FAM110B: variants seen among roughly 807,000 people sequenced by gnomAD.
FAM110B encodes the protein family with sequence similarity 110 member B, also known as protein FAM110B.
Under a neutral mutation model 20.4 loss-of-function variants are expected in FAM110B, and 6 were observed. The ratio of observed to expected loss-of-function variants is 0.29; its 90% CI spans 0.16 to 0.58. FAM110B has a LOEUF of 0.58. Among genes scored for constraint, FAM110B ranks in the 20% least tolerant of loss-of-function variants. The probability of loss-of-function intolerance (pLI) is 0.90; values close to 1 mark genes in which losing one functional copy is unlikely to be tolerated. For missense variants in FAM110B, 434 were observed against 498.2 expected (o/e 0.87, Z 1.23); for synonymous variants, 226 against 214.1 (o/e 1.06, Z -0.49).
chr8:58,058,571 T>C (rs1585849888), intron 2 of FAM110B, among the ~76,000 whole-genome samples: 1 of 152,168 alleles, frequency 6.6e-6, no homozygotes, highest in African/African-American at 2.4e-5. Context: ...CTCAGGTCCT[T>C]ATAAAATAAT....
intron 1 of FAM110B, among the ~76,000 whole-genome samples, chr8:58,007,376 G>A (rs867586944): frequency 1.3e-5 from 2 of 152,112 alleles, no homozygotes; most frequent in African/African-American, 2.4e-5. Flanking sequence ...TACCAGACGC[G>A]GGTGATGCAG....
At chr8:58,052,634 G>A (rs879302562) in intron 2 of FAM110B, among the ~76,000 whole-genome samples, 36 of 152,024 alleles carry the variant, frequency 2.4e-4, no homozygotes, top group Non-Finnish European at 4.7e-4. Context: ...CACAAAGCAG[G>A]GATGGAGATA....
At chr8:58,123,244 T>C (rs540770384) in intron 3 of FAM110B, among the ~76,000 whole-genome samples, 5 of 152,200 alleles carry the variant, frequency 3.3e-5, no homozygotes, top group African/African-American at 9.6e-5. Context: ...ACTGCTCTAT[T>C]TGGTGCTTCA....
intron 2 of FAM110B, chr8:58,070,092 C>T (rs546368361): frequency 2.0e-5 from 3 of 152,334 alleles, no homozygotes; most frequent in East Asian, 1.9e-4. Context: ...TGCTAAACGC[C>T]GGTGACAGCC....
intron 1 of FAM110B, among the ~76,000 whole-genome samples, chr8:58,014,193 T>C (rs1476409981): frequency 6.6e-6 from 1 of 152,140 alleles, no homozygotes; most frequent in Non-Finnish European, 1.5e-5. Flanking sequence ...CTTAGGATCA[T>C]AGAGCTTCCT....
intron 3 of FAM110B, among the ~76,000 whole-genome samples, chr8:58,107,009 A>G (rs2150615922): frequency 6.6e-6 from 1 of 152,230 alleles, no homozygotes; most frequent in Admixed American, 6.5e-5. Flanking sequence ...TTAAGTACTC[A>G]TTGCATGGTT....
At chr8:58,046,175 T>G (rs1805316293) in intron 2 of FAM110B, among the ~76,000 whole-genome samples, 1 of 152,230 alleles carries the variant, frequency 6.6e-6, no homozygotes, top group Non-Finnish European at 1.5e-5. Context: ...AATATGATAT[T>G]CATTAAGCAT....
At position 58,005,592 on chromosome 8, in the gene FAM110B, T is replaced by C. The variant is rs1804387521; in HGVS notation, c.-512+10786T>C. On this transcript the variant is annotated intron_variant, in intron 1 of 3. Coordinates refer to ENST00000519262, the MANE Select transcript of FAM110B (RefSeq NM_001377989.1). ...CAAGGTATGCCTGTGTATTTTTCCA[T>C]GGTGAACATTGTCTATGAAACAAAA... 2.0e-5 allele frequency among the ~76,000 whole-genome samples: 3 copies of C among 152,336 alleles called. No individual in the cohort carries two copies. The South Asian group carries it at 6.2e-4, about 32-fold the overall frequency.
intron 2 of FAM110B, chr8:58,043,247 T>C (rs930469053): frequency 1.3e-5 from 2 of 152,210 alleles, no homozygotes; most frequent in Non-Finnish European, 2.9e-5. Flanking sequence ...AAGGCTGCGA[T>C]GCACCAGCCC....
chr8:58,086,863 T>A (rs1806351138), intron 3 of FAM110B, among the ~76,000 whole-genome samples: 1 of 152,248 alleles, frequency 6.6e-6, no homozygotes, highest in African/African-American at 2.4e-5. Context: ...TATGTGATAT[T>A]GCACAAGGTG....
chr8:58,074,303 G>C (rs1034764290), intron 2 of FAM110B, among the ~76,000 whole-genome samples: 15 of 151,956 alleles, frequency 9.9e-5, no homozygotes, highest in African/African-American at 3.6e-4. Flanking sequence ...GCCTGTCCAT[G>C]CCACCTGCTT....
chr8:58,100,156 T>C (rs776469158), intron 3 of FAM110B, among the ~76,000 whole-genome samples: 1 of 152,172 alleles, frequency 6.6e-6, no homozygotes, highest in Non-Finnish European at 1.5e-5. Flanking sequence ...CTCCTGGTTC[T>C]GTGTAATATA....
chr8:58,013,838 G>A (rs1416602966), intron 1 of FAM110B, among the ~76,000 whole-genome samples: 2 of 152,122 alleles, frequency 1.3e-5, no homozygotes, highest in African/African-American at 4.8e-5. Context: ...ACAAAGTGTT[G>A]GAAAATAAGG....
intron 1 of FAM110B, among the ~76,000 whole-genome samples, chr8:57,999,419 T>G (rs1218697475): frequency 3.3e-5 from 5 of 152,214 alleles, no homozygotes; most frequent in Non-Finnish European, 7.3e-5. Context: ...GCAAAACATT[T>G]TTTTCCTCAC....
intron 1 of FAM110B, among the ~76,000 whole-genome samples, chr8:58,005,826 C>G (rs1804391443): frequency 6.6e-6 from 1 of 152,178 alleles, no homozygotes; most frequent in Non-Finnish European, 1.5e-5. Context: ...GGTTTCATTC[C>G]TATTTACTCT....
intron 1 of FAM110B, among the ~76,000 whole-genome samples, chr8:58,000,680 TC>T (rs1232478868): frequency 6.6e-5 from 10 of 152,214 alleles, no homozygotes; most frequent in Non-Finnish European, 8.8e-5. Flanking sequence ...CTACTCTTGG[TC>T]AAAAAGAGAC....
At chr8:58,060,635 C>T (rs536368397) in intron 2 of FAM110B, among the ~76,000 whole-genome samples, 10 of 151,986 alleles carry the variant, frequency 6.6e-5, no homozygotes, top group Non-Finnish European at 1.0e-4. Flanking sequence ...TTTTGGGAAA[C>T]GGGAAATTAT....
chr8:58,123,400 T>C (rs1263915869), intron 3 of FAM110B, among the ~76,000 whole-genome samples: 24 of 152,208 alleles, frequency 1.6e-4, no homozygotes, highest in Admixed American at 1.6e-3. Context: ...GTGAGATTAG[T>C]TCCAATTCAT....
intron 1 of FAM110B, among the ~76,000 whole-genome samples, chr8:58,000,069 G>A (rs1291479691): frequency 1.3e-5 from 2 of 152,136 alleles, no homozygotes; most frequent in Non-Finnish European, 2.9e-5. Context: ...TTTATAAAAC[G>A]AGTATTTATT....
Sources: allele counts gnomAD v4.1 joint callset (sites outside exome capture counted in the v4.1 genomes callset), GRCh38; gene constraint gnomAD v4.1.1; transcripts MANE v1.5; gene names NCBI Gene and HGNC (gene_info 2026-07-23, HGNC 2026-07-21).